The following WDR76 variants were observed in gnomAD, a reference collection of about 807,000 sequenced individuals.
WDR76 encodes the protein WD repeat domain 76.
WDR76 carries 52 observed loss-of-function variants against 70.2 expected under a neutral mutation model. The observed-to-expected ratio is 0.74, with a 90% confidence interval of 0.59 to 0.93. The LOEUF is 0.93. Ranked by LOEUF, WDR76 falls within the 40% of genes least tolerant of loss-of-function variation. The probability of loss-of-function intolerance (pLI) is 0.00; values close to 1 mark genes in which losing one functional copy is unlikely to be tolerated. For missense variants in WDR76, 756 were observed against 760.2 expected (o/e 0.99, Z 0.07); for synonymous variants, 292 against 271.1 (o/e 1.08, Z -0.76).
At position 43,839,739 on chromosome 15, in the gene WDR76, G is replaced by A. The variant is rs963180119; in HGVS notation, c.732+11G>A. On this transcript the variant is annotated intron_variant, in intron 5 of 12. Coordinates refer to ENST00000263795, the MANE Select transcript of WDR76 (RefSeq NM_024908.4). ...GTAGCAGATGAAACTGTAAGGAAAT[G>A]TGCAAATATAATATTTTAATGTAAT... 1 of 1,588,090 alleles carries A rather than the reference G, an allele frequency of 6.3e-7. No homozygotes were observed. Among genetic ancestry groups the A allele is most frequent in the Non-Finnish European group, 8.6e-7 (1 of 1,169,260 alleles).
In WDR76 at chr15:43,857,041, A is replaced by C. The variant is rs564061805; in HGVS notation, c.1287A>C (p.Ser429=). ...TAGGACACTGGGATGGAAATATGTC[A>C]CTGGTGGATAGACGGACACCTGGAA... ...LIVGHWDGNM[S]LVDRRTPGTS... is the part of the protein sequence containing the mutation. The change falls in exon 10 of 13, where the codon TCA becomes TCC. Residue 429 remains serine (S), a synonymous_variant. Transcript: ENST00000263795. 1.9e-6 allele frequency: 3 copies of C among 1,614,126 alleles called. No homozygotes were observed. The East Asian group carries it at 6.7e-5, about 36-fold the overall frequency.
chr15:43,829,559 C>T (rs1293976326), intron 2 of WDR76, among the ~76,000 whole-genome samples: 4 of 135,836 alleles, frequency 2.9e-5, no homozygotes, highest in Admixed American at 2.5e-4. Context: ...CAGGATGGAG[C>T]GCAGTGGCAT....
intron 12 of WDR76, among the ~76,000 whole-genome samples, chr15:43,862,604 G>C (rs1300229930): frequency 6.6e-6 from 1 of 151,220 alleles, no homozygotes; most frequent in East Asian, 2.0e-4. Context: ...CACCTCCCTG[G>C]TTCATGCCAT....
At chr15:43,854,764 C>A (rs1020692317) in intron 9 of WDR76, among the ~76,000 whole-genome samples, 19 of 151,814 alleles carry the variant, frequency 1.3e-4, no homozygotes, top group Admixed American at 1.2e-3. Context: ...GCCTGGCCAA[C>A]ATGGTGAAAC....
intron 12 of WDR76, among the ~76,000 whole-genome samples, chr15:43,862,471 C>T (rs536303762): frequency 1.3e-5 from 2 of 150,596 alleles, no homozygotes; most frequent in South Asian, 2.1e-4. Context: ...GTGCACGCCA[C>T]CCTGCCTGGC....
chr15:43,834,229 A>G (rs1008849158), intron 2 of WDR76, among the ~76,000 whole-genome samples: 2 of 151,894 alleles, frequency 1.3e-5, no homozygotes, highest in African/African-American at 4.8e-5. Flanking sequence ...GCTTTTTAGG[A>G]GAAAGTAGAG....
At chr15:43,864,045 G>A (rs935295294) in intron 12 of WDR76, 9 of 152,302 alleles carry the variant, frequency 5.9e-5, no homozygotes, top group African/African-American at 2.2e-4. Flanking sequence ...AGGTCATGTG[G>A]TATATGTCTT....
intron 8 of WDR76, among the ~76,000 whole-genome samples, chr15:43,846,825 C>A (rs1037377307): frequency 2.0e-5 from 3 of 152,006 alleles, no homozygotes; most frequent in Non-Finnish European, 4.4e-5. Flanking sequence ...GAGTTCAAGA[C>A]CAGCCTGAAC....
At chr15:43,845,326 T>C (rs1437155606) in intron 8 of WDR76, among the ~76,000 whole-genome samples, 1 of 150,294 alleles carries the variant, frequency 6.7e-6, no homozygotes, top group African/African-American at 2.4e-5. Flanking sequence ...AAAATTCATA[T>C]GTTGAAATAC....
At chr15:43,827,176 A>C in intron 1 of WDR76, 84 bp downstream of exon 1, 1 of 1,575,842 alleles carries the variant, frequency 6.3e-7, no homozygotes, top group South Asian at 1.1e-5. Flanking sequence ...CAGGAGGTCG[A>C]GGGCACCTGG....
intron 2 of WDR76, among the ~76,000 whole-genome samples, chr15:43,829,499 CTTTTTT>C (rs34835269): frequency 8.6e-5 from 5 of 57,966 alleles, no homozygotes; most frequent in African/African-American, 2.8e-4. Context: ...AGCATGGCCA[CTTTTTT>C]TTTTTTTTTT....
intron 2 of WDR76, among the ~76,000 whole-genome samples, chr15:43,831,237 AGT>A (rs2087584463): frequency 6.6e-6 from 1 of 152,050 alleles, no homozygotes; most frequent in Admixed American, 6.6e-5. Context: ...GTTTTAAAAA[AGT>A]AAAAAATAAA....
Position 43,861,332 on chromosome 15 carries a change from G to A in WDR76, c.1563-1G>A. 1 of 1,613,778 alleles carries A rather than the reference G, an allele frequency of 6.2e-7. No homozygotes were observed. The highest frequency in any genetic ancestry group is 1.3e-5 in the African/African-American group (1 of 75,034). ...AATGTCTTACTCTCTTTATTTTGCA[G>A]AATTTTTGACAGCAGCTGTATATCT... is the stretch of plus-strand genomic sequence containing the variant. On this transcript the variant is annotated splice_acceptor_variant, in intron 11 of 12. Coordinates refer to ENST00000263795, the MANE Select transcript of WDR76 (RefSeq NM_024908.4). LOFTEE classifies it high-confidence loss of function.
chr15:43,858,804 T>C lies in WDR76; in HGVS notation c.1543T>C (p.Cys515Arg). ...PLTGNRVVTT[C>R]ADCNLRIFDS... ...TACTGGTAACAGAGTGGTGACCACATGTGCTGATTGTAATCTGAGGTAAAT... is the reference window on the plus strand; with the variant it reads ...TACTGGTAACAGAGTGGTGACCACACGTGCTGATTGTAATCTGAGGTAAAT... Residue 515 changes from cysteine (C) to arginine (R), a missense_variant, in exon 11 of 13, where the codon TGT (cysteine) becomes CGT (arginine). Cys to Arg is a radical substitution (Grantham distance 180). Transcript: ENST00000263795. 1 of 1,613,880 alleles carries C rather than the reference T, an allele frequency of 6.2e-7. No individual in the cohort carries two copies. The highest frequency in any genetic ancestry group is 8.5e-7 in the Non-Finnish European group (1 of 1,179,972).
rs1342208810 is a variant in WDR76 at position 43,864,681 on chromosome 15, G to A, written c.1617-1447G>A. 5.3e-5 allele frequency among the ~76,000 whole-genome samples: 8 copies of A among 150,898 alleles called. No individual in the cohort carries two copies. In the South Asian group the frequency reaches 1.0e-3, roughly 20 times the overall value. Reference sequence around the variant, plus strand: ...ATGATCTGGGCTCACTGCAACCTCCGCCTCCTGGGTTCAAGCAGTTCTCGT... The same window carrying A: ...ATGATCTGGGCTCACTGCAACCTCCACCTCCTGGGTTCAAGCAGTTCTCGT... On this transcript the variant is annotated intron_variant, in intron 12 of 12. Coordinates refer to ENST00000263795, the MANE Select transcript of WDR76 (RefSeq NM_024908.4).
intron 11 of WDR76, among the ~76,000 whole-genome samples, chr15:43,860,000 C>G (rs1396216645): frequency 2.0e-5 from 3 of 152,182 alleles, no homozygotes; most frequent in African/African-American, 4.8e-5. Context: ...CCTATAATCC[C>G]AGCATTTCGG....
chr15:43,867,456 A>G lies in WDR76; in HGVS notation c.*1064A>G, dbSNP rs1222746478. On this transcript the variant is annotated 3_prime_UTR_variant, in exon 13 of 13. Transcript: ENST00000263795. ...AAAAATGAAAAGGAAAGAATTTGTAAAGAACAGAAAATATATTTGAGTAAG... is the reference window on the plus strand; with the variant it reads ...AAAAATGAAAAGGAAAGAATTTGTAGAGAACAGAAAATATATTTGAGTAAG... 2 of 152,182 alleles carry G rather than the reference A, an allele frequency of 1.3e-5. No individual in the cohort carries two copies. The highest frequency in any genetic ancestry group is 4.8e-5 in the African/African-American group (2 of 41,438). The allele number at this position is 152,182 out of a possible 1,614,324, so 9.4% of individuals were successfully genotyped here. A position where few individuals can be genotyped will look rare whatever the true frequency, so the allele number is the denominator to read the frequency against.
At chr15:43,838,114 C>T (rs945783524) in intron 4 of WDR76, among the ~76,000 whole-genome samples, 10 of 152,174 alleles carry the variant, frequency 6.6e-5, no homozygotes, top group Admixed American at 1.3e-4. Flanking sequence ...ACCTCGTGAT[C>T]CGCCTGCCTC....
intron 3 of WDR76, 47 bp downstream of exon 3, chr15:43,835,197 T>C (rs375608951): frequency 6.4e-7 from 1 of 1,558,708 alleles, no homozygotes; most frequent in Non-Finnish European, 8.8e-7. Context: ...CCGGGAACAG[T>C]GGGTAGCGCC....
Sources: allele counts gnomAD v4.1 joint callset (sites outside exome capture counted in the v4.1 genomes callset), GRCh38; gene constraint gnomAD v4.1.1; transcripts MANE v1.5; gene names NCBI Gene and HGNC (gene_info 2026-07-23, HGNC 2026-07-21).